Variants in KCTD16 observed in about 807,000 individuals in gnomAD.
KCTD16 encodes the protein BTB/POZ domain-containing protein KCTD16.
In KCTD16, 13 loss-of-function variants were observed where a neutral mutation model predicts 33.2. The observed-to-expected ratio is 0.39, with a 90% confidence interval of 0.25 to 0.62. KCTD16 has a LOEUF of 0.62. Among genes scored for constraint, KCTD16 ranks in the 20% least tolerant of loss-of-function variants. KCTD16 has a pLI of 0.50. For synonymous variants in KCTD16, 197 were observed against 195.3 expected, an observed-to-expected ratio of 1.01 and a Z score of -0.07; for missense variants, 441 against 525.1, an observed-to-expected ratio of 0.84 and a Z score of 1.57.
chr5:144,311,557 G>A (rs1325979354), intron 3 of KCTD16, among the ~76,000 whole-genome samples: 1 of 152,112 alleles, frequency 6.6e-6, no homozygotes, highest in Non-Finnish European at 1.5e-5. Flanking sequence ...AATTATCCAA[G>A]AATATGGGAA....
chr5:144,310,199 A>G (rs934439522), intron 3 of KCTD16, among the ~76,000 whole-genome samples: 1 of 152,182 alleles, frequency 6.6e-6, no homozygotes, highest in African/African-American at 2.4e-5. Context: ...ATGACCTCCA[A>G]TTCCATCCAT....
chr5:144,256,198 G>T (rs1021053710), intron 3 of KCTD16, among the ~76,000 whole-genome samples: 1 of 152,176 alleles, frequency 6.6e-6, no homozygotes, highest in Admixed American at 6.5e-5. Context: ...GGCATTGCCT[G>T]TGGGAATAGA....
chr5:144,332,500 G>C (rs1752385223), intron 3 of KCTD16, among the ~76,000 whole-genome samples: 1 of 152,098 alleles, frequency 6.6e-6, no homozygotes, highest in Non-Finnish European at 1.5e-5. Flanking sequence ...TCAGATAACT[G>C]AACCAGGGAC....
chr5:144,303,083 G>A (rs560412158), intron 3 of KCTD16, among the ~76,000 whole-genome samples: 2 of 152,270 alleles, frequency 1.3e-5, no homozygotes, highest in East Asian at 1.9e-4. Context: ...GACATTATTA[G>A]AGCGTTAGTG....
At chr5:144,386,109 G>A (rs1166902306) in intron 3 of KCTD16, among the ~76,000 whole-genome samples, 1 of 152,172 alleles carries the variant, frequency 6.6e-6, no homozygotes, top group Non-Finnish European at 1.5e-5. Context: ...ACGTGTATTA[G>A]ATTGGCAGAA....
chr5:144,435,843 ATG>A (rs56722254), intron 3 of KCTD16, among the ~76,000 whole-genome samples: 5 of 144,172 alleles, frequency 3.5e-5, no homozygotes, highest in Non-Finnish European at 6.3e-5. Flanking sequence ...GTGTGTGTGT[ATG>A]TGTGTGTGTG....
At chr5:144,394,821 A>G (rs1752529573) in intron 3 of KCTD16, among the ~76,000 whole-genome samples, 1 of 152,322 alleles carries the variant, frequency 6.6e-6, no homozygotes, top group Admixed American at 6.5e-5. Flanking sequence ...CTCTCTAGCC[A>G]TGCGGAACTG....
At chr5:144,225,581 T>C (rs1415700506) in intron 3 of KCTD16, among the ~76,000 whole-genome samples, 1 of 151,856 alleles carries the variant, frequency 6.6e-6, no homozygotes, top group East Asian at 1.9e-4. Flanking sequence ...TGTGTGTGTG[T>C]GTGTGTGTGT....
intron 3 of KCTD16, among the ~76,000 whole-genome samples, chr5:144,413,100 C>T (rs1474771931): frequency 6.6e-6 from 1 of 151,942 alleles, no homozygotes; most frequent in Admixed American, 6.6e-5. Flanking sequence ...TTGCATGTAC[C>T]CTGAAAATGT....
intron 3 of KCTD16, among the ~76,000 whole-genome samples, chr5:144,397,754 A>T (rs886261516): frequency 2.0e-5 from 3 of 152,178 alleles, no homozygotes; most frequent in Non-Finnish European, 4.4e-5. Context: ...AAAAGAACGA[A>T]GCTGGAGGCA....
chr5:144,342,905 A>T (rs1752685483), intron 3 of KCTD16, among the ~76,000 whole-genome samples: 1 of 152,216 alleles, frequency 6.6e-6, no homozygotes, highest in South Asian at 2.1e-4. Flanking sequence ...ATATTGAACC[A>T]GCCTTGCATC....
At chr5:144,262,629 T>C (rs1157340673) in intron 3 of KCTD16, among the ~76,000 whole-genome samples, 1 of 152,216 alleles carries the variant, frequency 6.6e-6, no homozygotes, top group Non-Finnish European at 1.5e-5. Context: ...CCACACCAGT[T>C]CTTTGAACTC....
At chr5:144,399,158 A>G (rs1285406867) in intron 3 of KCTD16, among the ~76,000 whole-genome samples, 1 of 152,174 alleles carries the variant, frequency 6.6e-6, no homozygotes, top group Non-Finnish European at 1.5e-5. Context: ...GTAGTTGTGC[A>G]TATTGAACTT....
intron 2 of KCTD16, among the ~76,000 whole-genome samples, chr5:144,188,843 G>A (rs1439291797): frequency 6.6e-6 from 1 of 152,156 alleles, no homozygotes; most frequent in Non-Finnish European, 1.5e-5. Flanking sequence ...ACAAAAAGTT[G>A]AGAATCAATA....
rs545670031 is a variant in KCTD16, at chr5:144,374,058, A to G, written c.833-99602A>G. Among the ~76,000 whole-genome samples the G allele has an allele frequency of 1.5e-3, 224 of 152,312 alleles. 1 individual carries two copies. Among genetic ancestry groups the G allele is most frequent in the African/African-American group, 5.1e-3 (212 of 41,570 alleles). ...ACCATTATGATTATATTGACAGCCC[A>G]TCTGGATAATCCAGGAGAATATCCC... On this transcript the variant is annotated intron_variant, in intron 3 of 3. Transcript: ENST00000512467.
At chr5:144,383,902 A>G (rs918885101) in intron 3 of KCTD16, among the ~76,000 whole-genome samples, 1 of 152,196 alleles carries the variant, frequency 6.6e-6, no homozygotes, top group Non-Finnish European at 1.5e-5. Flanking sequence ...CCAATATTAT[A>G]AAAAATACGT....
At chr5:144,199,601 C>T (rs1753002996) in intron 2 of KCTD16, among the ~76,000 whole-genome samples, 2 of 151,524 alleles carry the variant, frequency 1.3e-5, no homozygotes, top group African/African-American at 4.9e-5. Flanking sequence ...AGGCTTCATG[C>T]TGATGAGATC....
At chr5:144,434,976 G>A (rs1236330328) in intron 3 of KCTD16, among the ~76,000 whole-genome samples, 3 of 152,180 alleles carry the variant, frequency 2.0e-5, no homozygotes, top group African/African-American at 7.2e-5. Context: ...GGAAGAGGAA[G>A]GCGCATGAGG....
intron 3 of KCTD16, among the ~76,000 whole-genome samples, chr5:144,455,733 G>T (rs756650556): frequency 1.1e-4 from 17 of 152,186 alleles, no homozygotes; most frequent in Non-Finnish European, 2.1e-4. Flanking sequence ...AGTTTAGAGA[G>T]GGCATTTAAG....
Sources: allele counts gnomAD v4.1 joint callset (sites outside exome capture counted in the v4.1 genomes callset), GRCh38; gene constraint gnomAD v4.1.1; transcripts MANE v1.5; gene names NCBI Gene and HGNC (gene_info 2026-07-23, HGNC 2026-07-21).